The following UPF2 variants were observed in gnomAD, a reference collection of about 807,000 sequenced individuals.
The protein encoded by UPF2 is regulator of nonsense transcripts 2.
UPF2 carries 17 observed loss-of-function variants against 141.4 expected under a neutral mutation model. The observed-to-expected ratio is 0.12, with a 90% CI of 0.08 to 0.18. UPF2 has a LOEUF of 0.18. UPF2 is among the 10% of genes least tolerant of loss of function. The pLI is 1.00. For synonymous variants in UPF2, 540 were observed against 498.0 expected (o/e 1.08, Z -1.12); for missense variants, 1,152 against 1,515.9 (o/e 0.76, Z 3.99).
At chr10:12,010,398 T>C (rs546611469) in intron 4 of UPF2, among the ~76,000 whole-genome samples, 4 of 152,156 alleles carry the variant, frequency 2.6e-5, no homozygotes, top group Non-Finnish European at 5.9e-5. Flanking sequence ...AGCTACAAGA[T>C]TGAACATGTC....
rs1834472869 is a variant in UPF2, at chr10:12,029,242, G to A, written c.648C>T (p.Ile216=). Residue 216 remains isoleucine, a synonymous_variant, in exon 3 of 22, where the codon ATC becomes ATT. Coordinates refer to ENST00000357604, the MANE Select transcript of UPF2 (RefSeq NM_015542.4). The part of the protein sequence containing the change: ...VASIVEAKLK[I]SDVNCAVHLC... The stretch of plus-strand genomic sequence containing the variant: ...GGTGCACAGCACAGTTCACATCAGA[G>A]ATTTTTAGTTTTGCTTCCACGATGG... The A allele has an allele frequency of 2.5e-6, 4 of 1,613,998 alleles. No individual in the cohort carries two copies. The highest frequency in any genetic ancestry group is 1.7e-6 in the Non-Finnish European group (2 of 1,180,026).
At chr10:12,015,272 T>A (rs1236068574) in intron 3 of UPF2, among the ~76,000 whole-genome samples, 1 of 152,246 alleles carries the variant, frequency 6.6e-6, no homozygotes, top group Non-Finnish European at 1.5e-5. Context: ...TGTAATGCCA[T>A]CTTCCATCTT....
In UPF2 at chr10:12,042,590, A is replaced by G. The variant is rs891662229; in HGVS notation, c.-19+165T>C. On this transcript the variant is annotated intron_variant, in intron 1 of 21. Coordinates refer to ENST00000357604, the MANE Select transcript of UPF2 (RefSeq NM_015542.4). This position sits in a 1 kb window ranked among gnomAD's most constrained non-coding sequence, Gnocchi z 5.5. ...CTCGGAGACAGGGGGTCTGAGGAGA[A>G]CGACGCCGGACCCGCGGTCCCTCCA... Among the ~76,000 whole-genome samples the G allele has an allele frequency of 2.0e-5, 3 of 152,090 alleles. No individual in the cohort carries two copies. The highest frequency in any genetic ancestry group is 4.4e-5 in the Non-Finnish European group (3 of 68,000).
Position 12,010,845 on chromosome 10 carries a change from T to C in UPF2, c.1306+3179A>G, listed in dbSNP as rs61648015. Among the ~76,000 whole-genome samples the C allele has an allele frequency of 1.0e-2, 1,473 of 147,494 alleles. 22 individuals are homozygous for C. Among genetic ancestry groups the C allele is most frequent in the African/African-American group, 0.034 (1,387 of 41,074 alleles). ...TTTAAAACAATGAGAGAAAAAAATATAGATTATATAAATAAGAACAAAGGT... is the reference window on the plus strand; with the variant it reads ...TTTAAAACAATGAGAGAAAAAAATACAGATTATATAAATAAGAACAAAGGT... On this transcript the variant is annotated intron_variant, in intron 4 of 21. Coordinates refer to ENST00000357604, the MANE Select transcript of UPF2 (RefSeq NM_015542.4).
intron 3 of UPF2, among the ~76,000 whole-genome samples, chr10:12,024,413 G>A (rs749504133): frequency 1.2e-4 from 18 of 151,778 alleles, no homozygotes; most frequent in Non-Finnish European, 2.2e-4. Flanking sequence ...AGTTCGAGAC[G>A]AGCCTGGGCA....
rs113079993 is a variant in UPF2, at chr10:12,017,707, T to C, written c.1146-3523A>G. On this transcript the variant is annotated intron_variant, in intron 3 of 21. Coordinates refer to ENST00000357604, the MANE Select transcript of UPF2 (RefSeq NM_015542.4). ...AAAAGTTTAGATTTGGGGTTTTGTT[T>C]GTTCGTTTTATAGCTCCATAAGCCT... Among the ~76,000 whole-genome samples the C allele has an allele frequency of 1.7e-3, 256 of 152,366 alleles. 1 individual carries two copies. The highest frequency in any genetic ancestry group is 5.7e-3 in the African/African-American group (237 of 41,584).
rs1833107108 is a variant in UPF2 at position 11,953,749 on chromosome 10, C to A, written c.2850+1483G>T. Among the ~76,000 whole-genome samples the A allele has an allele frequency of 1.3e-5, 2 of 152,194 alleles. No homozygotes were observed. Among genetic ancestry groups the A allele is most frequent in the South Asian group, 4.1e-4 (2 of 4,834 alleles). On this transcript the variant is annotated intron_variant, in intron 14 of 21. Coordinates refer to ENST00000357604, the MANE Select transcript of UPF2 (RefSeq NM_015542.4). The surrounding 1 kb of genome is among the most constrained non-coding windows in gnomAD (Gnocchi z 5.0). The stretch of plus-strand genomic sequence containing the variant: ...ACAACAGGGACTGCAACCCTCAAAT[C>A]TGCAAGTCCTTTTCCCCACTTTTTG...
Position 11,942,719 on chromosome 10 carries a change from T to C in UPF2, c.3324A>G (p.Val1108=), listed in dbSNP as rs1832951298. The part of the protein sequence containing the change: ...KGGGLKHVPC[V]EDEDFIQALD... ...GAGCTTGAATGAAGTCCTCATCTTC[T>C]ACACAAGGTACATGCTTAAGTCCAC... The change falls in exon 18 of 22, where the codon GTA becomes GTG. Residue 1108 remains valine, a synonymous_variant. Transcript: ENST00000357604. 1 of 1,613,956 alleles carries C rather than the reference T, an allele frequency of 6.2e-7. No homozygotes were observed. Among genetic ancestry groups the C allele is most frequent in the South Asian group, 1.1e-5 (1 of 91,088 alleles).
At chr10:11,937,364 T>C (rs1005413294) in intron 18 of UPF2, among the ~76,000 whole-genome samples, 1 of 152,180 alleles carries the variant, frequency 6.6e-6, no homozygotes, top group African/African-American at 2.4e-5. Flanking sequence ...TTAAGACAGA[T>C]ACAGAAACAA....
intron 12 of UPF2, among the ~76,000 whole-genome samples, chr10:11,957,045 G>A (rs1328058789): frequency 2.0e-5 from 3 of 152,158 alleles, no homozygotes; most frequent in African/African-American, 2.4e-5. Context: ...GGCCTCCAAC[G>A]CCGACGTCAA....
At chr10:11,948,891 G>A (rs1438491420) in intron 15 of UPF2, among the ~76,000 whole-genome samples, 3 of 152,124 alleles carry the variant, frequency 2.0e-5, no homozygotes, top group Non-Finnish European at 4.4e-5. Flanking sequence ...TCTTTACCAA[G>A]TGAGATTTAA....
At chr10:11,948,030 C>G (rs1412517026) in intron 16 of UPF2, among the ~76,000 whole-genome samples, 1 of 151,492 alleles carries the variant, frequency 6.6e-6, no homozygotes, top group African/African-American at 2.4e-5. Context: ...GGCAGATCAC[C>G]TGAAGTCAGG....
chr10:11,964,659 T>C (rs1454433489), intron 10 of UPF2, among the ~76,000 whole-genome samples: 3 of 152,210 alleles, frequency 2.0e-5, no homozygotes, highest in South Asian at 2.1e-4. Context: ...ATTTTTTGTG[T>C]CCTTTTTTGT....
rs552069546 is a variant in UPF2, at chr10:11,940,240, C to A, written c.3378+2425G>T. ...TTCCCATCCTTCCAGCTTGCTTCTTCAAGAACTGTCAATAAGCAAAAATTA... is the reference window on the plus strand; with the variant it reads ...TTCCCATCCTTCCAGCTTGCTTCTTAAAGAACTGTCAATAAGCAAAAATTA... On this transcript the variant is annotated intron_variant, in intron 18 of 21. Transcript: ENST00000357604. This position sits in a 1 kb window ranked among gnomAD's most constrained non-coding sequence, Gnocchi z 4.2. Among the ~76,000 whole-genome samples the A allele has an allele frequency of 6.6e-6, 1 of 152,320 alleles. No homozygotes were observed. The highest frequency in any genetic ancestry group is 2.4e-5 in the African/African-American group (1 of 41,570).
At chr10:11,990,770 C>G (rs899189681) in intron 8 of UPF2, among the ~76,000 whole-genome samples, 4 of 151,680 alleles carry the variant, frequency 2.6e-5, no homozygotes, top group East Asian at 1.9e-4. Context: ...TGGCAGATCA[C>G]TAGGTCAGGA....
intron 1 of UPF2, among the ~76,000 whole-genome samples, chr10:12,038,211 C>A (rs2131320536): frequency 6.6e-6 from 1 of 152,052 alleles, no homozygotes; most frequent in South Asian, 2.1e-4. Context: ...GGTGAAACCC[C>A]ATCTCTACTG....
chr10:11,966,614 G>A (rs1394566854), intron 10 of UPF2, among the ~76,000 whole-genome samples: 1 of 152,102 alleles, frequency 6.6e-6, no homozygotes, highest in African/African-American at 2.4e-5. Flanking sequence ...AGTAGAGACG[G>A]GGTTTCTCCA....
chr10:11,982,688 G>A (rs762543659), intron 8 of UPF2, among the ~76,000 whole-genome samples: 2 of 151,730 alleles, frequency 1.3e-5, no homozygotes, highest in African/African-American at 2.4e-5. Context: ...GTGCAATGGC[G>A]CCATCTTGGA....
At position 11,939,517 on chromosome 10, in the gene UPF2, CT is replaced by C. The variant is rs34766091; in HGVS notation, c.3379-2806del. 5.3e-4 allele frequency among the ~76,000 whole-genome samples: 78 copies of C among 146,408 alleles called. No homozygotes were observed. Among genetic ancestry groups the C allele is most frequent in the Non-Finnish European group, 5.3e-4 (35 of 66,396 alleles). On this transcript the variant is annotated intron_variant, in intron 18 of 21. Coordinates refer to ENST00000357604, the MANE Select transcript of UPF2 (RefSeq NM_015542.4). The surrounding 1 kb of genome is among the most constrained non-coding windows in gnomAD (Gnocchi z 4.8). ...TTATTGTCAGTTTAAAATGTTTTAT[CT>C]TTTTTTTTTTTTAAGACGAAGTCTC...
Sources: allele counts gnomAD v4.1 joint callset (sites outside exome capture counted in the v4.1 genomes callset), GRCh38; gene constraint gnomAD v4.1.1; non-coding constraint Gnocchi (gnomAD v3.1); transcripts MANE v1.5; gene names NCBI Gene and HGNC (gene_info 2026-07-23, HGNC 2026-07-21).